The following ADGRE2 variants were observed in gnomAD, a reference collection of about 807,000 sequenced individuals.
ADGRE2 encodes the protein CD97 antigen.
In ADGRE2, 83 loss-of-function variants were observed where a neutral mutation model predicts 100.8. The ratio of observed to expected loss-of-function variants is 0.82; its 90% CI spans 0.69 to 0.99. The LOEUF (loss-of-function observed/expected upper bound fraction) is 0.99. Among genes scored for constraint, ADGRE2 ranks in the 50% least tolerant of loss-of-function variants. The pLI is 0.00. For synonymous variants in ADGRE2, 355 were observed against 413.0 expected (o/e 0.86, Z 1.70); for missense variants, 814 against 1,035.7 (o/e 0.79, Z 2.94).
intron 20 of ADGRE2, among the ~76,000 whole-genome samples, chr19:14,736,899 ATATC>A (rs1371401609): frequency 2.1e-5 from 3 of 144,098 alleles, no homozygotes; most frequent in Non-Finnish European, 4.6e-5. Flanking sequence ...TATATATTTA[ATATC>A]TATATATTTA....
At chr19:14,737,111 A>G (rs988432361) in intron 20 of ADGRE2, among the ~76,000 whole-genome samples, 11 of 150,854 alleles carry the variant, frequency 7.3e-5, no homozygotes, top group Admixed American at 6.0e-4. Context: ...TATGTATCCC[A>G]TAACTTCATG....
intron 11 of ADGRE2, among the ~76,000 whole-genome samples, chr19:14,763,632 TCTC>T (rs1377275151): frequency 7.9e-6 from 1 of 127,342 alleles, no homozygotes; most frequent in South Asian, 2.9e-4. Flanking sequence ...CTCCTCCTCC[TCTC>T]CTCCTCTCCT....
downstream of ADGRE2, among the ~76,000 whole-genome samples, chr19:14,728,956 C>T (rs563743474): frequency 1.1e-4 from 17 of 152,194 alleles, no homozygotes; most frequent in African/African-American, 2.9e-4. Flanking sequence ...TGGCTACTTG[C>T]GAATATTTCT....
intron 14 of ADGRE2, among the ~76,000 whole-genome samples, chr19:14,754,157 A>G (rs1305588668): frequency 3.3e-5 from 5 of 151,808 alleles, no homozygotes; most frequent in Non-Finnish European, 7.4e-5. Flanking sequence ...CTGCCCTTGA[A>G]CATCAGACTC....
At chr19:14,764,013 CCT>C (rs1194318067) in intron 11 of ADGRE2, among the ~76,000 whole-genome samples, 1 of 151,016 alleles carries the variant, frequency 6.6e-6, no homozygotes, top group Non-Finnish European at 1.5e-5. Context: ...TCCTCCTCCT[CCT>C]CTTCACCTCC....
chr19:14,756,107 C>T, intron 12 of ADGRE2, 131 bp downstream of exon 12: 2 of 810,170 alleles, frequency 2.5e-6, no homozygotes, highest in Non-Finnish European at 4.1e-6. Flanking sequence ...CTCAGCTGGA[C>T]TCTCCTCTTA....
At chr19:14,774,808 G>C (rs951856051) in intron 2 of ADGRE2, among the ~76,000 whole-genome samples, 17 of 149,640 alleles carry the variant, frequency 1.1e-4, no homozygotes, top group Non-Finnish European at 1.8e-4. Context: ...CAAATAGCTG[G>C]GACTACAGGC....
rs41360944 is a variant in ADGRE2 at position 14,774,029 on chromosome 19, G to A, written c.108C>T (p.Asp36=). 67,369 of 1,613,766 alleles carry A rather than the reference G, an allele frequency of 0.042. 2,580 individuals are homozygous for A. Among genetic ancestry groups the A allele is most frequent in the South Asian group, 0.14 (13,176 of 91,044 alleles). The part of the protein sequence containing the change: ...SRGCARWCPQ[D]SSCVNATACR... ...AGGCGGTGGCATTGACACACGAGGA[G>A]TCCTGAGGGCACCACCGGGCACAGC... The change falls in exon 4 of 21, where the codon GAC becomes GAT. Residue 36 remains aspartate, a synonymous_variant. Coordinates refer to ENST00000315576, the MANE Select transcript of ADGRE2 (RefSeq NM_013447.4).
At chr19:14,778,108 C>CATTA (rs1409647474) in intron 1 of ADGRE2, 149 bp downstream of exon 1, 7 of 152,320 alleles carry the variant, frequency 4.6e-5, no homozygotes, top group African/African-American at 1.2e-4. Context: ...TACATTCCCA[C>CATTA]CAACAGTGTA....
At chr19:14,764,814 C>A (rs368117123) in intron 10 of ADGRE2, among the ~76,000 whole-genome samples, 1 of 152,240 alleles carries the variant, frequency 6.6e-6, no homozygotes, top group Admixed American at 6.5e-5. Flanking sequence ...GTCAGGAGAT[C>A]GAGACCATCC....
intron 11 of ADGRE2, among the ~76,000 whole-genome samples, chr19:14,759,503 A>ATATATATATATATATT (rs60789454): frequency 3.0e-5 from 4 of 133,370 alleles, no homozygotes; most frequent in African/African-American, 1.2e-4. Context: ...ATATATATAT[A>ATATATATATATATATT]TTTTTTTTTT....
At chr19:14,770,229 C>T (rs1212778387) in intron 5 of ADGRE2, among the ~76,000 whole-genome samples, 2 of 152,016 alleles carry the variant, frequency 1.3e-5, no homozygotes. Context: ...CTTGTTAGTT[C>T]CCATGAAAAC....
chr19:14,755,631 C>A, intron 13 of ADGRE2, 23 bp downstream of exon 13: 1 of 1,609,278 alleles, frequency 6.2e-7, no homozygotes, highest in Non-Finnish European at 8.5e-7. Flanking sequence ...ATTCACCCAC[C>A]AACCAACTCC....
rs766359806 is a variant in ADGRE2, at chr19:14,774,289, T to C, written c.49A>G (p.Thr17Ala). ...LVFLAFCVWLTLPGAETQDSR... is the reference protein window; with the variant it reads ...LVFLAFCVWLALPGAETQDSR... ...TCCTGGGTTTCAGCTCCCGGCAGAGTCAGCCAGACACAGAATGCTGCAACA... is the reference window on the plus strand; with the variant it reads ...TCCTGGGTTTCAGCTCCCGGCAGAGCCAGCCAGACACAGAATGCTGCAACA... The change falls in exon 3 of 21, where the codon ACT becomes GCT. Residue 17 changes from threonine to alanine, a missense_variant. Thr to Ala is a moderately conservative substitution (Grantham distance 58, BLOSUM62 0). Around this residue, in one of 5 missense-constraint regions of ADGRE2, gnomAD observed 143 missense variants for 160.3 expected, o/e 0.89. Coordinates refer to ENST00000315576, the MANE Select transcript of ADGRE2 (RefSeq NM_013447.4). The C allele has an allele frequency of 8.2e-6, 13 of 1,582,382 alleles. No homozygotes were observed. The African/African-American group carries it at 1.2e-4, about 15-fold the overall frequency.
intron 11 of ADGRE2, among the ~76,000 whole-genome samples, chr19:14,763,473 TTTG>T (rs1360112739): frequency 2.6e-5 from 4 of 152,180 alleles, no homozygotes; most frequent in African/African-American, 4.8e-5. Flanking sequence ...TGATTTCTAT[TTTG>T]TTATTTTAAA....
chr19:14,734,592 T>A lies in ADGRE2; in HGVS notation c.*1644A>T, dbSNP rs1415071337. ...ATTATCATCTATGTGAGATTTCATATATTTTTGTATTTTTACTAGAGACAA... is the reference window on the plus strand; with the variant it reads ...ATTATCATCTATGTGAGATTTCATAAATTTTTGTATTTTTACTAGAGACAA... On this transcript the variant is annotated 3_prime_UTR_variant, in exon 21 of 21. Coordinates refer to ENST00000315576, the MANE Select transcript of ADGRE2 (RefSeq NM_013447.4). The A allele has an allele frequency of 6.6e-6, 1 of 152,174 alleles. No homozygotes were observed. The highest frequency in any genetic ancestry group is 2.4e-5 in the African/African-American group (1 of 41,446). 9.4% of individuals were successfully genotyped at this position (152,174 alleles called of 1,614,324 possible).
intron 20 of ADGRE2, among the ~76,000 whole-genome samples, chr19:14,737,966 A>T (rs1006855049): frequency 2.0e-5 from 3 of 149,932 alleles, no homozygotes; most frequent in African/African-American, 7.5e-5. Flanking sequence ...GACAGAGTAA[A>T]ACTCCCTCTC....
chr19:14,765,904 C>G lies in ADGRE2; in HGVS notation c.635-100G>C, dbSNP rs567684629. The G allele has an allele frequency of 6.9e-6, 11 of 1,604,084 alleles. No individual in the cohort carries two copies. In the Admixed American group the frequency reaches 1.7e-4, roughly 24 times the overall value. On this transcript the variant is annotated intron_variant, in intron 7 of 20. Transcript: ENST00000315576. ...TCGTTCCTCCCGGCATTAGTGCCCCCCTTGGAGAGGTGGACGCTGGGTTAT... is the reference window on the plus strand; with the variant it reads ...TCGTTCCTCCCGGCATTAGTGCCCCGCTTGGAGAGGTGGACGCTGGGTTAT...
In ADGRE2 at chr19:14,746,229, T is replaced by TA. The variant is rs1448308104; in HGVS notation, c.2183+2dup. 2 of 1,568,622 alleles carry TA rather than the reference T, an allele frequency of 1.3e-6. No individual in the cohort carries two copies. Among genetic ancestry groups the TA allele is most frequent in the Non-Finnish European group, 1.8e-6 (2 of 1,140,184 alleles). On this transcript the variant is annotated splice_region_variant and intron_variant, in intron 18 of 20. Transcript: ENST00000315576. ...GTGGTTATCACCCCCTTCTCCATCT[T>TA]ACCTTGTGTTCCGGAGGGTGGACAC...
Sources: gnomAD v4.1 joint callset for allele counts (sites outside exome capture counted in the v4.1 genomes callset) on GRCh38, gnomAD v4.1.1 for gene constraint, gnomAD v4.1.1 regional missense constraint, MANE v1.5 for transcripts, NCBI Gene and HGNC (gene_info 2026-07-23, HGNC 2026-07-21) for gene names.